CYP19A1: variants seen among roughly 807,000 people sequenced by gnomAD.
The protein encoded by CYP19A1 is cytochrome P450 family 19 subfamily A member 1.
CYP19A1 carries 32 observed loss-of-function variants against 44.4 expected under a neutral mutation model. The observed-to-expected ratio is 0.72, with a 90% CI of 0.54 to 0.97. The LOEUF (loss-of-function observed/expected upper bound fraction) is 0.97, where lower values mean the gene tolerates loss of function less well. CYP19A1 is among the 50% of genes least tolerant of loss of function. The probability of loss-of-function intolerance (pLI) is 0.00; values close to 1 mark genes in which losing one functional copy is unlikely to be tolerated. For synonymous variants in CYP19A1, 212 were observed against 215.6 expected (o/e 0.98, Z 0.14); for missense variants, 598 against 637.8 (o/e 0.94, Z 0.67).
intron 1 of CYP19A1, chr15:51,278,115 G>A (rs58679796): frequency 2.8e-4 from 42 of 151,982 alleles, no homozygotes; most frequent in African/African-American, 9.6e-4. Context: ...ATCACTCTTC[G>A]TGTGCCATCT....
chr15:51,271,186 T>C (rs1056675447), intron 1 of CYP19A1, among the ~76,000 whole-genome samples: 2 of 152,154 alleles, frequency 1.3e-5, no homozygotes, highest in African/African-American at 4.8e-5. Context: ...CGCCCTCTTC[T>C]TAATCACCCA....
At chr15:51,292,176 T>C (rs2035862432) in intron 1 of CYP19A1, among the ~76,000 whole-genome samples, 1 of 152,208 alleles carries the variant, frequency 6.6e-6, no homozygotes, top group African/African-American at 2.4e-5. Flanking sequence ...AGCAATCAAA[T>C]TGGACAGGCA....
chr15:51,280,185 G>A (rs796723835), intron 1 of CYP19A1, among the ~76,000 whole-genome samples: 6 of 139,352 alleles, frequency 4.3e-5, no homozygotes, highest in Admixed American at 1.5e-4. Flanking sequence ...GCAGTGGCAC[G>A]ATCTCGGCTC....
In CYP19A1 at chr15:51,210,553, T is replaced by C. The variant is rs756841744; in HGVS notation, c.*255A>G. 4.8e-6 allele frequency: 3 copies of C among 630,608 alleles called. No individual in the cohort carries two copies. Among genetic ancestry groups the C allele is most frequent in the Middle Eastern group, 2.5e-4 (1 of 4,012 alleles). The allele number at this position is 630,608 out of a possible 1,614,324, so 39.1% of individuals were successfully genotyped here. ...TTTGGTGGAATCGGGTCTTTATGGA[T>C]ACGGTTTCTTCACCGACTATTTCTC... On this transcript the variant is annotated 3_prime_UTR_variant, in exon 10 of 10. Transcript: ENST00000396402.
At chr15:51,268,910 T>A (rs914333074) in intron 1 of CYP19A1, among the ~76,000 whole-genome samples, 1 of 152,222 alleles carries the variant, frequency 6.6e-6, no homozygotes, top group Non-Finnish European at 1.5e-5. Context: ...TGGGGTTGTC[T>A]TATTGACTTT....
intron 8 of CYP19A1, among the ~76,000 whole-genome samples, chr15:51,213,340 C>G (rs1351962080): frequency 6.6e-6 from 1 of 152,178 alleles, no homozygotes; most frequent in Non-Finnish European, 1.5e-5. Flanking sequence ...TAGATTATTC[C>G]CAGACATGGT....
At chr15:51,242,366 G>T in intron 2 of CYP19A1, 1 of 285,274 alleles carries the variant, frequency 3.5e-6, no homozygotes, top group Non-Finnish European at 6.7e-6. Context: ...CAAAGTGAAA[G>T]GGAGAAGAAA....
At chr15:51,227,458 T>C in intron 4 of CYP19A1, among the ~76,000 whole-genome samples, 1 of 151,940 alleles carries the variant, frequency 6.6e-6, no homozygotes, top group East Asian at 1.9e-4. Context: ...TTTGACTCCG[T>C]GAGTTTGAGC....
chr15:51,257,340 G>A (rs12901187), intron 1 of CYP19A1, among the ~76,000 whole-genome samples: 49,925 of 152,074 alleles, frequency 0.33, 9,693 homozygotes, highest in Non-Finnish European at 0.43. Context: ...GCCCCAATTC[G>A]CTACACTTCT....
intron 1 of CYP19A1, among the ~76,000 whole-genome samples, chr15:51,261,304 G>A (rs1297569193): frequency 6.6e-6 from 1 of 152,090 alleles, no homozygotes; most frequent in Non-Finnish European, 1.5e-5. Flanking sequence ...CTTGGGAGTG[G>A]CCCACGACCA....
rs936190053 is a variant in CYP19A1, at chr15:51,208,421, C to G, written c.*2387G>C. 9 of 152,146 alleles carry G rather than the reference C, an allele frequency of 5.9e-5. No homozygotes were observed. The highest frequency in any genetic ancestry group is 2.2e-4 in the African/African-American group (9 of 41,422). 9.4% of individuals were successfully genotyped at this position (152,146 alleles called of 1,614,324 possible). On this transcript the variant is annotated 3_prime_UTR_variant, in exon 10 of 10. Coordinates refer to ENST00000396402, the MANE Select transcript of CYP19A1 (RefSeq NM_000103.4). ...AGAGCCCTTATATGCATGCATTTCA[C>G]TGATAATTTACACATTGCAGTTCTT...
chr15:51,263,750 T>G (rs1182671951), intron 1 of CYP19A1, among the ~76,000 whole-genome samples: 1 of 152,166 alleles, frequency 6.6e-6, no homozygotes, highest in African/African-American at 2.4e-5. Flanking sequence ...AGGCTGCTGC[T>G]CTGGGAATAA....
intron 1 of CYP19A1, chr15:51,277,954 G>GTTTTTTTTTTTT (rs68014518): frequency 9.0e-6 from 1 of 110,586 alleles, no homozygotes; most frequent in African/African-American, 3.7e-5. Flanking sequence ...AGTTGCATGA[G>GTTTTTTTTTTTT]TTTTTTTTTT....
At chr15:51,231,918 C>T (rs2033068028) in intron 3 of CYP19A1, among the ~76,000 whole-genome samples, 1 of 152,104 alleles carries the variant, frequency 6.6e-6, no homozygotes, top group African/African-American at 2.4e-5. Flanking sequence ...ATGGAAATTC[C>T]ATGTCCCTAT....
intron 5 of CYP19A1, among the ~76,000 whole-genome samples, chr15:51,219,143 A>G (rs1221836897): frequency 6.6e-6 from 1 of 152,178 alleles, no homozygotes; most frequent in Non-Finnish European, 1.5e-5. Context: ...TATACACTTA[A>G]TAGCTTCTAA....
intron 1 of CYP19A1, among the ~76,000 whole-genome samples, chr15:51,326,075 A>G (rs1237959926): frequency 6.6e-6 from 1 of 152,188 alleles, no homozygotes; most frequent in East Asian, 1.9e-4. Flanking sequence ...TTTCTACTGA[A>G]AGTGAACTTC....
At chr15:51,323,848 C>A (rs925740930) in intron 1 of CYP19A1, 1 of 152,142 alleles carries the variant, frequency 6.6e-6, no homozygotes, top group South Asian at 2.1e-4. Context: ...TTTGTGTGTG[C>A]GGATTTTTCC....
At chr15:51,243,346 T>G (rs948068822) in intron 1 of CYP19A1, among the ~76,000 whole-genome samples, 2 of 152,224 alleles carry the variant, frequency 1.3e-5, no homozygotes, top group African/African-American at 4.8e-5. Context: ...TTAGGCAATC[T>G]TCTTCCCTTG....
intron 1 of CYP19A1, among the ~76,000 whole-genome samples, chr15:51,332,570 C>A (rs955593780): frequency 6.6e-6 from 1 of 152,172 alleles, no homozygotes; most frequent in African/African-American, 2.4e-5. Flanking sequence ...TTTTTTCTCC[C>A]TTTTCCTCCT....
Sources: gnomAD v4.1 joint callset for allele counts (sites outside exome capture counted in the v4.1 genomes callset) on GRCh38, gnomAD v4.1.1 for gene constraint, MANE v1.5 for transcripts, NCBI Gene and HGNC (gene_info 2026-07-23, HGNC 2026-07-21) for gene names.